Variants in NLRP5 observed in about 807,000 individuals in gnomAD.
The protein encoded by NLRP5 is NLR family pyrin domain containing 5.
In NLRP5, 93 loss-of-function variants were observed where a neutral mutation model predicts 113.1. The observed-to-expected ratio is 0.82, with a 90% CI of 0.70 to 0.98. The LOEUF is 0.98. Ranked by LOEUF, NLRP5 falls within the 50% of genes least tolerant of loss-of-function variation. The pLI, the probability that NLRP5 is intolerant of heterozygous loss-of-function variation, is 0.00. For synonymous variants in NLRP5, 751 were observed against 600.7 expected (o/e 1.25, Z -3.66); for missense variants, 1,808 against 1,514.3 (o/e 1.19, Z -3.22).
chr19:56,049,050 C>T (rs1309555943), intron 11 of NLRP5, among the ~76,000 whole-genome samples: 4 of 139,288 alleles, frequency 2.9e-5, no homozygotes, highest in South Asian at 2.3e-4. Flanking sequence ...GGTGCAATCT[C>T]GGCTCACTGC....
intron 11 of NLRP5, among the ~76,000 whole-genome samples, chr19:56,045,260 T>A (rs1348078749): frequency 6.6e-6 from 1 of 152,056 alleles, no homozygotes; most frequent in Non-Finnish European, 1.5e-5. Context: ...GTAGTGAGAG[T>A]GGGCATCCTT....
chr19:56,016,124 T>C (rs1456421550), intron 4 of NLRP5, among the ~76,000 whole-genome samples: 1 of 152,214 alleles, frequency 6.6e-6, no homozygotes, highest in African/African-American at 2.4e-5. Context: ...TCACCTCAAA[T>C]ATTCTTTGTG....
At chr19:56,032,573 C>G in intron 7 of NLRP5, 38 bp from the exon 8 acceptor site, 1 of 1,575,066 alleles carries the variant, frequency 6.3e-7, no homozygotes, top group Non-Finnish European at 8.7e-7. Context: ...TGTTAAACTC[C>G]ATCCCATGAG....
intron 10 of NLRP5, 30 bp from the exon 11 acceptor site, chr19:56,040,892 C>T: frequency 6.2e-7 from 1 of 1,600,012 alleles, no homozygotes; most frequent in South Asian, 1.1e-5. Flanking sequence ...GGCATCTCAT[C>T]ATGTCCTCTC....
At chr19:56,033,299 C>A (rs1983193984) in intron 8 of NLRP5, among the ~76,000 whole-genome samples, 1 of 152,092 alleles carries the variant, frequency 6.6e-6, no homozygotes, top group African/African-American at 2.4e-5. Context: ...GAAGCAGGCT[C>A]CTTGACACCA....
At chr19:55,994,320 GTTGT>G in the NLRP5 span, among the ~76,000 whole-genome samples, 2 of 152,148 alleles carry the variant, frequency 1.3e-5, no homozygotes, top group African/African-American at 4.8e-5. Flanking sequence ...TTGCTATACA[GTTGT>G]TTGAGTTCCT....
At chr19:56,005,725 C>T (rs1461676909) in intron 2 of NLRP5, among the ~76,000 whole-genome samples, 1 of 152,204 alleles carries the variant, frequency 6.6e-6, no homozygotes, top group African/African-American at 2.4e-5. Context: ...AGGGCTCTCT[C>T]TCCTGAGCTT....
chr19:56,060,966 G>C (rs1480178198), intron 14 of NLRP5, among the ~76,000 whole-genome samples: 3 of 152,170 alleles, frequency 2.0e-5, no homozygotes, highest in Non-Finnish European at 4.4e-5. Context: ...CTTGAGATTA[G>C]TAGGTGATTG....
At chr19:56,029,897 A>G (rs781461525) in intron 7 of NLRP5, among the ~76,000 whole-genome samples, 3 of 150,902 alleles carry the variant, frequency 2.0e-5, no homozygotes, top group Non-Finnish European at 4.4e-5. Context: ...TCTACTAAAA[A>G]TACAAAAATT....
chr19:56,053,503 T>A (rs998548974), intron 12 of NLRP5, 135 bp from the exon 13 acceptor site: 1 of 687,492 alleles, frequency 1.5e-6, no homozygotes, highest in Non-Finnish European at 2.4e-6. Context: ...TGGTCTAAGC[T>A]GTTCACAGGA....
rs770308622 is a variant in NLRP5 at position 56,028,507 on chromosome 19, A to G, written c.2274A>G (p.Leu758=). 3 of 1,611,902 alleles carry G rather than the reference A, an allele frequency of 1.9e-6. No individual in the cohort carries two copies. Among genetic ancestry groups the G allele is most frequent in the African/African-American group, 2.7e-5 (2 of 74,898 alleles). ...CTGAGGCATGTCCTGTGGTCCCTCT[A>G]TGGTGAGTACCCCAGGCAGTTTTAT... Residue 758 remains leucine, a splice_region_variant and synonymous_variant, in exon 7 of 15, where the codon CTA becomes CTG. Transcript: ENST00000390649.
rs200259913 is a variant in NLRP5, at chr19:56,005,524, ACACACACG to A, written c.442+1440_442+1447del. ...TGCCTGTACACATATATATTTATACACACACACGCACACACGCAGGTGGCATGCCTGTA... is the reference window on the plus strand; with the variant it reads ...TGCCTGTACACATATATATTTATACACACACACGCAGGTGGCATGCCTGTA... On this transcript the variant is annotated intron_variant, in intron 2 of 14. Coordinates refer to ENST00000390649, the MANE Select transcript of NLRP5 (RefSeq NM_153447.4). Among the ~76,000 whole-genome samples the A allele has an allele frequency of 8.4e-3, 1,028 of 122,788 alleles. 14 individuals are homozygous for A. Among genetic ancestry groups the A allele is most frequent in the African/African-American group, 0.029 (946 of 32,418 alleles). The allele number at this position is 122,788 out of a possible 152,430, so 80.6% of individuals were successfully genotyped here. A position where few individuals can be genotyped will look rare whatever the true frequency, so the allele number is the denominator to read the frequency against.
At chr19:56,043,745 T>G (rs545675079) in intron 11 of NLRP5, among the ~76,000 whole-genome samples, 46 of 151,212 alleles carry the variant, frequency 3.0e-4, no homozygotes, top group African/African-American at 1.0e-3. Context: ...GCTAATTTTT[T>G]TGTGTGTGTT....
chr19:55,998,710 G>A (rs77029485), upstream of NLRP5, among the ~76,000 whole-genome samples: 22,734 of 66,808 alleles, frequency 0.34, 4,456 homozygotes, highest in Non-Finnish European at 0.36. Flanking sequence ...ATATGTGTGT[G>A]TGTGTATATA....
chr19:56,005,449 AT>A (rs1431780881), intron 2 of NLRP5, among the ~76,000 whole-genome samples: 1 of 144,796 alleles, frequency 6.9e-6, no homozygotes, highest in Non-Finnish European at 1.5e-5. Context: ...ATACACATAT[AT>A]TTTTATATAC....
chr19:56,041,730 T>C (rs192894321), intron 11 of NLRP5, among the ~76,000 whole-genome samples: 11 of 152,186 alleles, frequency 7.2e-5, no homozygotes, highest in African/African-American at 2.6e-4. Context: ...GGTGGATCAT[T>C]TGAGCTCAGG....
chr19:56,057,278 C>T (rs781316877), intron 13 of NLRP5, among the ~76,000 whole-genome samples: 2 of 152,154 alleles, frequency 1.3e-5, no homozygotes, highest in Non-Finnish European at 2.9e-5. Flanking sequence ...TTGACATCCA[C>T]CCCAAAATAA....
Position 56,003,861 on chromosome 19 carries a change from T to C in NLRP5, c.208T>C (p.Tyr70His). 3 of 1,614,008 alleles carry C rather than the reference T, an allele frequency of 1.9e-6. No individual in the cohort carries two copies. Among genetic ancestry groups the C allele is most frequent in the Non-Finnish European group, 2.5e-6 (3 of 1,179,890 alleles). ...CAGCTACGGGCTGCAATGGTGTCTC[T>C]ATGAGCTAGACAAGGAAGAATTTCA... Residue 70 changes from tyrosine (Y) to histidine (H), a missense_variant, in exon 2 of 15, where the codon TAT (tyrosine) becomes CAT (histidine). Coordinates refer to ENST00000390649, the MANE Select transcript of NLRP5 (RefSeq NM_153447.4).
intron 6 of NLRP5, among the ~76,000 whole-genome samples, chr19:56,025,334 G>A (rs142482614): frequency 0.031 from 4,743 of 151,534 alleles, 186 homozygotes; most frequent in Non-Finnish European, 0.034. Context: ...CTGCTCTACC[G>A]TAGAGCTTGG....
Sources: gnomAD v4.1 joint callset for allele counts (sites outside exome capture counted in the v4.1 genomes callset) on GRCh38, gnomAD v4.1.1 for gene constraint, MANE v1.5 for transcripts, NCBI Gene and HGNC (gene_info 2026-07-23, HGNC 2026-07-21) for gene names.